Variants in PRR16 observed in about 807,000 individuals in gnomAD.
The protein encoded by PRR16 is protein Largen.
Under a neutral mutation model 18.2 loss-of-function variants are expected in PRR16, and 6 were observed. The observed-to-expected ratio is 0.33, with a 90% CI of 0.18 to 0.65. The LOEUF (loss-of-function observed/expected upper bound fraction) is 0.65, where lower values mean the gene tolerates loss of function less well. Among genes scored for constraint, PRR16 ranks in the 30% least tolerant of loss-of-function variants. The pLI is 0.74. For synonymous variants in PRR16, 151 were observed against 147.8 expected (o/e 1.02, Z -0.16); for missense variants, 412 against 376.6 (o/e 1.09, Z -0.78).
the PRR16 span, among the ~76,000 whole-genome samples, chr5:120,761,153 C>T: frequency 6.6e-6 from 1 of 152,010 alleles, no homozygotes; most frequent in Non-Finnish European, 1.5e-5. Context: ...CCTCCTGTAT[C>T]TATTGCTTCA....
intron 1 of PRR16, among the ~76,000 whole-genome samples, chr5:120,559,294 C>T (rs1354309046): frequency 6.6e-6 from 1 of 151,810 alleles, no homozygotes; most frequent in Non-Finnish European, 1.5e-5. Flanking sequence ...TTAGATTTGT[C>T]TTTAATCCAT....
At chr5:120,537,240 T>G (rs1751747512) in intron 1 of PRR16, among the ~76,000 whole-genome samples, 1 of 152,192 alleles carries the variant, frequency 6.6e-6, no homozygotes, top group South Asian at 2.1e-4. Context: ...GAACATTCAT[T>G]TATGAATTGA....
the PRR16 span, among the ~76,000 whole-genome samples, chr5:120,728,252 A>T: frequency 1.8e-4 from 28 of 151,986 alleles, no homozygotes; most frequent in Non-Finnish European, 1.5e-5. Context: ...AATCCCAAAT[A>T]ATTATAAGCA....
chr5:120,520,122 A>G (rs142699859), intron 1 of PRR16, among the ~76,000 whole-genome samples: 89 of 152,300 alleles, frequency 5.8e-4, no homozygotes, highest in African/African-American at 2.0e-3. Context: ...CTAATATTTT[A>G]TTAGAATTTT....
chr5:120,467,254 A>G (rs531061929), intron 1 of PRR16, among the ~76,000 whole-genome samples: 141 of 152,150 alleles, frequency 9.3e-4, no homozygotes, highest in Non-Finnish European at 1.5e-3. Flanking sequence ...TTAGAATTCT[A>G]ATTCCTTTAT....
chr5:120,628,501 G>A (rs1004928931), intron 1 of PRR16, among the ~76,000 whole-genome samples: 1 of 151,982 alleles, frequency 6.6e-6, no homozygotes, highest in African/African-American at 2.4e-5. Context: ...GCATATCAAT[G>A]TATTGGAACT....
chr5:120,617,567 A>G (rs1243262657), intron 1 of PRR16, among the ~76,000 whole-genome samples: 2 of 152,204 alleles, frequency 1.3e-5, no homozygotes, highest in Admixed American at 6.6e-5. Context: ...AGGTATCACA[A>G]TTAATGAGGT....
At chr5:120,549,836 A>T (rs1752197235) in intron 1 of PRR16, among the ~76,000 whole-genome samples, 1 of 152,056 alleles carries the variant, frequency 6.6e-6, no homozygotes, top group Non-Finnish European at 1.5e-5. Context: ...ACACCTAGGG[A>T]TACAATGCAG....
At chr5:120,577,123 T>G (rs922364667) in intron 1 of PRR16, among the ~76,000 whole-genome samples, 1 of 152,106 alleles carries the variant, frequency 6.6e-6, no homozygotes, top group Non-Finnish European at 1.5e-5. Flanking sequence ...TGCATATTCT[T>G]GTGAGTTTAT....
At chr5:120,506,273 CT>C (rs1245331820) in intron 1 of PRR16, among the ~76,000 whole-genome samples, 2 of 151,562 alleles carry the variant, frequency 1.3e-5, no homozygotes, top group Non-Finnish European at 2.9e-5. Context: ...TCACATATAT[CT>C]TTTTTTAAGG....
intron 1 of PRR16, among the ~76,000 whole-genome samples, chr5:120,482,216 A>C (rs1467735203): frequency 6.6e-6 from 1 of 152,180 alleles, no homozygotes; most frequent in Non-Finnish European, 1.5e-5. Context: ...GGTTTGGAGT[A>C]CAGTTGATCC....
chr5:120,582,099 T>C (rs1753291355), intron 1 of PRR16, among the ~76,000 whole-genome samples: 1 of 152,124 alleles, frequency 6.6e-6, no homozygotes, highest in African/African-American at 2.4e-5. Flanking sequence ...ATGTGGTATA[T>C]ATAAAACACA....
At chr5:120,565,071 T>C (rs1166556525) in intron 1 of PRR16, among the ~76,000 whole-genome samples, 2 of 151,896 alleles carry the variant, frequency 1.3e-5, no homozygotes, top group Non-Finnish European at 2.9e-5. Flanking sequence ...TCTGTGTACA[T>C]ATAGTTGCTA....
intron 1 of PRR16, among the ~76,000 whole-genome samples, chr5:120,486,602 T>C (rs1217671216): frequency 6.6e-6 from 1 of 152,214 alleles, no homozygotes; most frequent in Admixed American, 6.5e-5. Context: ...AGGTTGCCTG[T>C]TCACTCTGAT....
chr5:120,746,843 C>T, the PRR16 span, among the ~76,000 whole-genome samples: 1 of 151,988 alleles, frequency 6.6e-6, no homozygotes, highest in Non-Finnish European at 1.5e-5. Context: ...AATTTGAGAA[C>T]AAATGAAAAC....
At chr5:120,774,212 G>A in the PRR16 span, among the ~76,000 whole-genome samples, 28 of 152,214 alleles carry the variant, frequency 1.8e-4, no homozygotes, top group African/African-American at 6.5e-4. Context: ...TGATTTAATT[G>A]TACGATTCTT....
At chr5:120,769,165 C>G in the PRR16 span, among the ~76,000 whole-genome samples, 2 of 151,332 alleles carry the variant, frequency 1.3e-5, no homozygotes, top group African/African-American at 2.4e-5. Flanking sequence ...GTCCTCGGAA[C>G]AACACTTCTA....
At chr5:120,678,766 G>A (rs1287792046) in intron 1 of PRR16, among the ~76,000 whole-genome samples, 2 of 151,972 alleles carry the variant, frequency 1.3e-5, no homozygotes, top group South Asian at 4.1e-4. Flanking sequence ...TTCCAATTTG[G>A]ATTCCTTTTA....
At chr5:120,772,207 C>T in the PRR16 span, among the ~76,000 whole-genome samples, 3 of 151,922 alleles carry the variant, frequency 2.0e-5, no homozygotes, top group African/African-American at 7.2e-5. Flanking sequence ...GTATTGCAAG[C>T]CCTGTTTTCT....
Sources: allele counts gnomAD v4.1 joint callset (sites outside exome capture counted in the v4.1 genomes callset), GRCh38; gene constraint gnomAD v4.1.1; transcripts MANE v1.5; gene names NCBI Gene and HGNC (gene_info 2026-07-23, HGNC 2026-07-21).